Variants in NTM observed in about 807,000 individuals in gnomAD.
The protein encoded by NTM is IgLON family member 2.
Under a neutral mutation model 42.1 loss-of-function variants are expected in NTM, and 13 were observed. The observed-to-expected ratio is 0.31, with a 90% CI of 0.20 to 0.49. The LOEUF is 0.49. Among genes scored for constraint, NTM ranks in the 20% least tolerant of loss-of-function variants. The pLI is 0.99. For synonymous variants in NTM, 187 were observed against 179.2 expected, an observed-to-expected ratio of 1.04 and a Z score of -0.35; for missense variants, 373 against 452.8, an observed-to-expected ratio of 0.82 and a Z score of 1.60.
At chr11:132,028,830 C>T (rs916026484) in intron 2 of NTM, among the ~76,000 whole-genome samples, 1 of 152,078 alleles carries the variant, frequency 6.6e-6, no homozygotes, top group Non-Finnish European at 1.5e-5. Context: ...TTGCTCTCCC[C>T]CTGCTGGATG....
intron 4 of NTM, among the ~76,000 whole-genome samples, chr11:132,241,578 T>G (rs562953850): frequency 5.9e-5 from 9 of 152,314 alleles, no homozygotes; most frequent in African/African-American, 2.2e-4. Flanking sequence ...AACAGCACCC[T>G]TTTGGTAACT....
intron 4 of NTM, among the ~76,000 whole-genome samples, chr11:132,274,101 G>A (rs1371438195): frequency 6.6e-6 from 1 of 151,878 alleles, no homozygotes; most frequent in African/African-American, 2.4e-5. Flanking sequence ...TTTTATTTTA[G>A]TAATTTTACT....
At chr11:131,597,186 ACACT>A (rs2137351244) in intron 1 of NTM, among the ~76,000 whole-genome samples, 1 of 152,262 alleles carries the variant, frequency 6.6e-6, no homozygotes, top group South Asian at 2.1e-4. Context: ...AATCAAGTTG[ACACT>A]CAGCGTTAAC....
At chr11:132,305,105 T>C (rs571666011) in intron 4 of NTM, among the ~76,000 whole-genome samples, 1 of 152,332 alleles carries the variant, frequency 6.6e-6, no homozygotes, top group Non-Finnish European at 1.5e-5. Flanking sequence ...ACTGCCTTAA[T>C]ATTTGTGTAA....
intron 7 of NTM, among the ~76,000 whole-genome samples, chr11:132,321,282 A>G (rs553325142): frequency 6.6e-6 from 1 of 152,134 alleles, no homozygotes; most frequent in African/African-American, 2.4e-5. Flanking sequence ...ACTTTGAAAA[A>G]AATTTAGAAG....
At chr11:131,457,410 G>C (rs995043809) in intron 1 of NTM, among the ~76,000 whole-genome samples, 1 of 151,860 alleles carries the variant, frequency 6.6e-6, no homozygotes, top group Admixed American at 6.6e-5. Flanking sequence ...TGGGGGAAGG[G>C]AGGAGAGCAG....
intron 1 of NTM, among the ~76,000 whole-genome samples, chr11:131,749,800 A>G (rs1004124644): frequency 6.6e-6 from 1 of 152,092 alleles, no homozygotes; most frequent in Admixed American, 6.5e-5. Context: ...GGGTTTCACT[A>G]TGCTGGTCAG....
intron 2 of NTM, among the ~76,000 whole-genome samples, chr11:132,084,970 A>G (rs1031409340): frequency 1.3e-5 from 2 of 152,180 alleles, no homozygotes; most frequent in African/African-American, 2.4e-5. Context: ...ACCCTTTACA[A>G]ATTTTGCTAA....
chr11:132,043,993 T>TGC (rs2077554941), intron 2 of NTM, among the ~76,000 whole-genome samples: 2 of 143,946 alleles, frequency 1.4e-5, no homozygotes. Flanking sequence ...TGTGTGTGTG[T>TGC]ATGGGTATGT....
At chr11:132,167,163 C>A (rs908745792) in intron 3 of NTM, among the ~76,000 whole-genome samples, 1 of 151,946 alleles carries the variant, frequency 6.6e-6, no homozygotes, top group African/African-American at 2.4e-5. Flanking sequence ...CTGGCATGTA[C>A]AATGATGAGC....
intron 1 of NTM, among the ~76,000 whole-genome samples, chr11:131,599,962 T>G (rs2060323084): frequency 6.6e-6 from 1 of 152,228 alleles, no homozygotes; most frequent in Non-Finnish European, 1.5e-5. Flanking sequence ...CAACAATTGT[T>G]ATAAACAGAG....
chr11:132,223,672 T>G (rs559765006), intron 4 of NTM, among the ~76,000 whole-genome samples: 1 of 152,198 alleles, frequency 6.6e-6, no homozygotes, highest in Non-Finnish European at 1.5e-5. Flanking sequence ...TCATACACAT[T>G]CAATACATAT....
intron 1 of NTM, among the ~76,000 whole-genome samples, chr11:131,601,121 A>C (rs563663292): frequency 6.6e-6 from 1 of 152,352 alleles, no homozygotes; most frequent in East Asian, 1.9e-4. Flanking sequence ...GCCAGGAGGC[A>C]GGATGGGATC....
chr11:131,424,275 G>A (rs1055995519), intron 1 of NTM, among the ~76,000 whole-genome samples: 1 of 152,104 alleles, frequency 6.6e-6, no homozygotes, highest in Non-Finnish European at 1.5e-5. Flanking sequence ...GGATCCCTAT[G>A]TCCTGCTAAG....
chr11:131,402,142 C>T (rs1455744069), intron 1 of NTM, among the ~76,000 whole-genome samples: 1 of 151,754 alleles, frequency 6.6e-6, no homozygotes, highest in Non-Finnish European at 1.5e-5. Context: ...CATTTGGCTT[C>T]ACAGAGCCCT....
At chr11:131,700,253 ATCCT>A (rs2075939945) in intron 1 of NTM, among the ~76,000 whole-genome samples, 1 of 152,104 alleles carries the variant, frequency 6.6e-6, no homozygotes, top group African/African-American at 2.4e-5. Flanking sequence ...TGTAAGGAAA[ATCCT>A]TCCTTTTGTT....
intron 3 of NTM, among the ~76,000 whole-genome samples, chr11:132,169,553 T>C (rs1263025532): frequency 6.6e-6 from 1 of 151,670 alleles, no homozygotes; most frequent in African/African-American, 2.4e-5. Flanking sequence ...GCCAGGATGG[T>C]CTTGATCCCT....
chr11:132,122,934 CAAAA>C (rs1221880571), intron 2 of NTM, among the ~76,000 whole-genome samples: 1 of 152,076 alleles, frequency 6.6e-6, no homozygotes, highest in Non-Finnish European at 1.5e-5. Context: ...TAATTGGAAA[CAAAA>C]AGAGCAAGGG....
At chr11:131,372,613 G>C (rs371888630) in intron 1 of NTM, among the ~76,000 whole-genome samples, 1 of 152,008 alleles carries the variant, frequency 6.6e-6, no homozygotes. Context: ...AGGGGTCAGA[G>C]GTAGGGAGAG....
Sources: gnomAD v4.1 joint callset for allele counts (sites outside exome capture counted in the v4.1 genomes callset) on GRCh38, gnomAD v4.1.1 for gene constraint, MANE v1.5 for transcripts, NCBI Gene and HGNC (gene_info 2026-07-23, HGNC 2026-07-21) for gene names.